The following ABI3BP variants were observed in gnomAD, a reference collection of about 807,000 sequenced individuals.
The protein encoded by ABI3BP is ABI family member 3 binding protein, also known as target of Nesh-SH3.
In ABI3BP, 216 loss-of-function variants were observed where a neutral mutation model predicts 268.6. That is an observed-to-expected ratio of 0.80 (90% CI 0.72 to 0.90). ABI3BP has a LOEUF of 0.90. Ranked by LOEUF, ABI3BP falls within the 40% of genes least tolerant of loss-of-function variation. ABI3BP has a pLI of 0.00. For synonymous variants in ABI3BP, 730 were observed against 730.0 expected, an observed-to-expected ratio of 1.00 and a Z score of 0.00; for missense variants, 2,090 against 2,182.4, an observed-to-expected ratio of 0.96 and a Z score of 0.84.
chr3:100,842,038 G>T lies in ABI3BP; in HGVS notation c.1725C>A (p.Ala575=). The change falls in exon 21 of 68, where the codon GCC becomes GCA. Residue 575 remains alanine (A), a splice_region_variant and synonymous_variant. Transcript: ENST00000471714. ...ATGGCAGTAGAGTCTGAGGTTCTGG[G>T]GCTGTAATAAAAGCAAGTAATATCA... is the stretch of plus-strand genomic sequence containing the variant. The part of the protein sequence containing the change: ...LSPEVTHTKP[A]PEPQTLLPSQ... 6.5e-7 allele frequency: 1 copy of T among 1,534,448 alleles called. No individual in the cohort carries two copies. Among genetic ancestry groups the T allele is most frequent in the Non-Finnish European group, 8.7e-7 (1 of 1,145,574 alleles).
At chr3:100,772,322 T>C (rs564631712) in intron 61 of ABI3BP, among the ~76,000 whole-genome samples, 2 of 152,354 alleles carry the variant, frequency 1.3e-5, no homozygotes, top group South Asian at 4.1e-4. Flanking sequence ...GCAGTGACAG[T>C]AAACACATAG....
chr3:100,758,508 A>G (rs1396337453), intron 63 of ABI3BP, among the ~76,000 whole-genome samples: 2 of 152,322 alleles, frequency 1.3e-5, no homozygotes, highest in Admixed American at 1.3e-4. Context: ...GAACTCTTCT[A>G]TGGCCACACA....
At chr3:100,889,815 C>G (rs2043683928) in intron 4 of ABI3BP, among the ~76,000 whole-genome samples, 1 of 152,040 alleles carries the variant, frequency 6.6e-6, no homozygotes, top group Non-Finnish European at 1.5e-5. Flanking sequence ...ATCCACAGCT[C>G]CTCAAAATGT....
chr3:100,780,044 T>C lies in ABI3BP; in HGVS notation c.4240+88A>G, dbSNP rs1457396544. On this transcript the variant is annotated intron_variant, in intron 58 of 67. Transcript: ENST00000471714. Reference sequence around the variant, plus strand: ...GATACTTCGGGGGCTGTGTGGATGTTGCTGTTTTTGCCACCAGGAATGATA... The same window carrying C: ...GATACTTCGGGGGCTGTGTGGATGTCGCTGTTTTTGCCACCAGGAATGATA... 7 of 1,208,314 alleles carry C rather than the reference T, an allele frequency of 5.8e-6. No homozygotes were observed. In the East Asian group the frequency reaches 1.4e-4, roughly 25 times the overall value. 74.8% of individuals were successfully genotyped at this position (1,208,314 alleles called of 1,614,324 possible).
rs1205593821 is a variant in ABI3BP at position 100,810,658 on chromosome 3, CA to C, written c.3542-182del. Among the ~76,000 whole-genome samples, 4 of 152,180 alleles carry C rather than the reference CA, an allele frequency of 2.6e-5. 1 individual carries two copies. Among genetic ancestry groups the C allele is most frequent in the African/African-American group, 9.6e-5 (4 of 41,538 alleles). On this transcript the variant is annotated intron_variant, in intron 48 of 67. Coordinates refer to ENST00000471714, the MANE Select transcript of ABI3BP (RefSeq NM_001375547.2). Reference sequence around the variant, plus strand: ...GGTTAAAAAAAAATGGTTGCAGATGCAGCTTACAAAGTACTTCTAAAGTTCT... The same window carrying C: ...GGTTAAAAAAAAATGGTTGCAGATGCGCTTACAAAGTACTTCTAAAGTTCT...
At chr3:100,901,693 G>T (rs1347959879) in intron 3 of ABI3BP, among the ~76,000 whole-genome samples, 1 of 151,998 alleles carries the variant, frequency 6.6e-6, no homozygotes, top group Non-Finnish European at 1.5e-5. Context: ...GTGAACCTGG[G>T]AGGCGGAGCT....
chr3:100,919,240 G>A (rs1275016563), intron 2 of ABI3BP, among the ~76,000 whole-genome samples: 4 of 151,078 alleles, frequency 2.6e-5, no homozygotes, highest in Non-Finnish European at 5.9e-5. Flanking sequence ...CCCTATTTCT[G>A]TTTTTCTTCA....
intron 6 of ABI3BP, among the ~76,000 whole-genome samples, chr3:100,881,121 G>A (rs1194099651): frequency 6.6e-6 from 1 of 152,182 alleles, no homozygotes. Context: ...ACTTTCAAAA[G>A]GCTTCAAATT....
At position 100,894,174 on chromosome 3, in the gene ABI3BP, G is replaced by T. The variant is rs897045139; in HGVS notation, c.461+4588C>A. ...CAAAAGAAAAACGAATGTATCTTCG[G>T]GCCTTCATAAACGATAGTAGGTGAA... On this transcript the variant is annotated intron_variant, in intron 4 of 67. Coordinates refer to ENST00000471714, the MANE Select transcript of ABI3BP (RefSeq NM_001375547.2). Among the ~76,000 whole-genome samples, 13 of 152,112 alleles carry T rather than the reference G, an allele frequency of 8.5e-5. 1 individual carries two copies. The highest frequency in any genetic ancestry group is 6.2e-4 in the South Asian group (3 of 4,806).
intron 1 of ABI3BP, among the ~76,000 whole-genome samples, chr3:100,951,151 C>T (rs2074802332): frequency 6.6e-6 from 1 of 151,930 alleles, no homozygotes. Context: ...ATGTTTCAGA[C>T]ATTTGTCTGA....
At chr3:100,828,562 GA>G in intron 33 of ABI3BP, 110 bp from the exon 34 acceptor site, 2 of 950,052 alleles carry the variant, frequency 2.1e-6, no homozygotes, top group Non-Finnish European at 3.1e-6. Context: ...TCCAGAGCAC[GA>G]AGCAAACACA....
intron 57 of ABI3BP, 57 bp downstream of exon 57, chr3:100,787,671 T>A: frequency 7.4e-7 from 1 of 1,352,254 alleles, no homozygotes; most frequent in Non-Finnish European, 9.8e-7. Flanking sequence ...ATCATGAAAA[T>A]TAAATAACAC....
In ABI3BP at chr3:100,749,805, A is replaced by G. The variant is rs918973462; in HGVS notation, c.*690T>C. 1.0e-5 allele frequency: 4 copies of G among 397,626 alleles called. No homozygotes were observed. The highest frequency in any genetic ancestry group is 8.2e-5 in the African/African-American group (4 of 48,588). The allele number at this position is 397,626 out of a possible 1,614,324, so 24.6% of individuals were successfully genotyped here. A position where few individuals can be genotyped will look rare whatever the true frequency, so the allele number is the denominator to read the frequency against. ...ATATTGTAACATTTATGGTGGGTAA[A>G]AATGTATCTTTTGAAACAATATATT... is the stretch of plus-strand genomic sequence containing the variant. On this transcript the variant is annotated 3_prime_UTR_variant, in exon 68 of 68. Coordinates refer to ENST00000471714, the MANE Select transcript of ABI3BP (RefSeq NM_001375547.2).
Position 100,765,562 on chromosome 3 carries a change from T to G in ABI3BP, c.4850+279A>C, listed in dbSNP as rs146510541. Among the ~76,000 whole-genome samples, 518 of 152,346 alleles carry G rather than the reference T, an allele frequency of 3.4e-3. 5 individuals are homozygous for G. The highest frequency in any genetic ancestry group is 5.0e-3 in the Non-Finnish European group (337 of 68,026). The stretch of plus-strand genomic sequence containing the variant: ...GTCACTGGTCCACAGACTTTTATTT[T>G]TGTATTTAATATCAACATTTGGTAT... On this transcript the variant is annotated intron_variant, in intron 63 of 67. Coordinates refer to ENST00000471714, the MANE Select transcript of ABI3BP (RefSeq NM_001375547.2).
chr3:100,973,219 T>C (rs1462475510), intron 1 of ABI3BP, among the ~76,000 whole-genome samples: 2 of 152,186 alleles, frequency 1.3e-5, no homozygotes, highest in African/African-American at 4.8e-5. Flanking sequence ...GAATTCAATG[T>C]TAATGAATCA....
intron 40 of ABI3BP, among the ~76,000 whole-genome samples, chr3:100,819,337 ATTAT>A (rs1459366618): frequency 2.6e-5 from 4 of 152,042 alleles, no homozygotes; most frequent in African/African-American, 9.7e-5. Flanking sequence ...CTTCTTTCCA[ATTAT>A]TTATTCTTAT....
chr3:100,899,636 G>A (rs2049270588), intron 3 of ABI3BP, among the ~76,000 whole-genome samples: 1 of 152,174 alleles, frequency 6.6e-6, no homozygotes, highest in African/African-American at 2.4e-5. Context: ...AAAATTATCT[G>A]AAACTGCAGA....
In ABI3BP at chr3:100,848,834, G is replaced by A. The variant is rs780652821; in HGVS notation, c.1543C>T (p.Arg515Cys). The A allele has an allele frequency of 2.0e-5, 33 of 1,613,178 alleles. No individual in the cohort carries two copies. The highest frequency in any genetic ancestry group is 8.9e-5 in the East Asian group (4 of 44,868). The change falls in exon 18 of 68, where the codon CGC (arginine) becomes TGC (cysteine). Residue 515 changes from arginine (R) to cysteine (C), a missense_variant. Physicochemically the swap from Arg to Cys is radical, Grantham distance 180. Coordinates refer to ENST00000471714, the MANE Select transcript of ABI3BP (RefSeq NM_001375547.2). ...TTSIPSTPKR[R>C]PRPKPPRTKP... ...GTTCTTGGCGGTTTGGGCCGGGGGCGTCGTTTAGGTGTAGAAGGGATAGAT... is the reference window on the plus strand; with the variant it reads ...GTTCTTGGCGGTTTGGGCCGGGGGCATCGTTTAGGTGTAGAAGGGATAGAT...
chr3:100,856,065 C>T (rs1180340431), intron 14 of ABI3BP, among the ~76,000 whole-genome samples: 1 of 152,204 alleles, frequency 6.6e-6, no homozygotes, highest in African/African-American at 2.4e-5. Flanking sequence ...ACTCTCAAAG[C>T]ATCAACACCA....
Sources: allele counts gnomAD v4.1 joint callset (sites outside exome capture counted in the v4.1 genomes callset), GRCh38; gene constraint gnomAD v4.1.1; transcripts MANE v1.5; gene names NCBI Gene and HGNC (gene_info 2026-07-23, HGNC 2026-07-21).